ZNF705G: variants seen among roughly 807,000 people sequenced by gnomAD.
The protein encoded by ZNF705G is putative zinc finger protein 705G.
Under a neutral mutation model 19.6 loss-of-function variants are expected in ZNF705G, and 23 were observed. That is an observed-to-expected ratio of 1.17 (90% CI 0.84 to 1.66). The LOEUF (loss-of-function observed/expected upper bound fraction) is 1.66. Among genes scored for constraint, ZNF705G ranks in the 40% most tolerant of loss-of-function variants. ZNF705G has a pLI of 0.00. For missense variants in ZNF705G, 457 were observed against 354.4 expected, an observed-to-expected ratio of 1.29 and a Z score of -2.32; for synonymous variants, 146 against 117.7, an observed-to-expected ratio of 1.24 and a Z score of -1.56.
rs780600263 is a variant in ZNF705G at position 7,357,956 on chromosome 8, C to T, written c.*20G>A. 13 of 1,608,502 alleles carry T rather than the reference C, an allele frequency of 8.1e-6. No individual in the cohort carries two copies. The highest frequency in any genetic ancestry group is 6.6e-5 in the South Asian group (6 of 90,592). On this transcript the variant is annotated 3_prime_UTR_variant, in exon 7 of 7. Coordinates refer to ENST00000400156, the MANE Select transcript of ZNF705G (RefSeq NM_001164457.3). ...TAAATGGCATTCATATGGCTTTTCTCCAGTGCGTGTTCTCTCATGTCATCT... is the reference window on the plus strand; with the variant it reads ...TAAATGGCATTCATATGGCTTTTCTTCAGTGCGTGTTCTCTCATGTCATCT...
At chr8:7,369,538 G>A (rs1388777257) in intron 2 of ZNF705G, among the ~76,000 whole-genome samples, 1 of 149,480 alleles carries the variant, frequency 6.7e-6, no homozygotes, top group Non-Finnish European at 1.5e-5. Flanking sequence ...AGCAGCCATG[G>A]GGACTGACCC....
intron 2 of ZNF705G, among the ~76,000 whole-genome samples, chr8:7,368,240 C>T (rs1161516899): frequency 6.7e-6 from 1 of 149,552 alleles, no homozygotes; most frequent in African/African-American, 2.6e-5. Context: ...ACTAAAAACC[C>T]TCACATAAAG....
intron 2 of ZNF705G, among the ~76,000 whole-genome samples, chr8:7,380,361 C>T (rs1318504886): frequency 2.0e-5 from 3 of 147,518 alleles, no homozygotes; most frequent in Admixed American, 1.3e-4. Context: ...CTGTCATTGG[C>T]ACCTGTGCAT....
At chr8:7,369,617 A>G (rs1807008581) in intron 2 of ZNF705G, among the ~76,000 whole-genome samples, 1 of 149,714 alleles carries the variant, frequency 6.7e-6, no homozygotes, top group Admixed American at 6.6e-5. Context: ...TTATAGCATT[A>G]TTTGCAATAG....
chr8:7,369,078 T>A (rs1806983334), intron 2 of ZNF705G, among the ~76,000 whole-genome samples: 1 of 149,486 alleles, frequency 6.7e-6, no homozygotes, highest in Non-Finnish European at 1.5e-5. Flanking sequence ...CAAGCAAAAC[T>A]GGTTTCCCCT....
chr8:7,359,629 C>G lies in ZNF705G; in HGVS notation c.308G>C (p.Ser103Thr), dbSNP rs770441316. The G allele has an allele frequency of 3.7e-6, 6 of 1,606,494 alleles. No homozygotes were observed. The African/African-American group carries it at 5.7e-5, about 15-fold the overall frequency. ...HPITRKDAST[S>T]MTMENSLILE... ...AGCTATAAAACTTACCATTGTCATACTGGTGGATGCGTCTTTTCTGGTGAT... is the reference window on the plus strand; with the variant it reads ...AGCTATAAAACTTACCATTGTCATAGTGGTGGATGCGTCTTTTCTGGTGAT... The change falls in exon 6 of 7, where the codon AGT (serine) becomes ACT (threonine). Residue 103 changes from serine to threonine, a missense_variant. Coordinates refer to ENST00000400156, the MANE Select transcript of ZNF705G (RefSeq NM_001164457.3).
chr8:7,363,420 C>A lies in ZNF705G; in HGVS notation c.-71-403G>T, dbSNP rs62636817. On this transcript the variant is annotated intron_variant, in intron 2 of 6. Transcript: ENST00000400156. ...TTATCCTAGCTTTATGCCCTAGCAA[C>A]GTTTCTCCAACACCCACCACAGCCT... is the stretch of plus-strand genomic sequence containing the variant. Among the ~76,000 whole-genome samples, 11 of 138,606 alleles carry A rather than the reference C, an allele frequency of 7.9e-5. 1 individual carries two copies. The highest frequency in any genetic ancestry group is 3.3e-4 in the African/African-American group (11 of 33,068). The allele number at this position is 138,606 out of a possible 152,430, so 90.9% of individuals were successfully genotyped here.
Position 7,360,338 on chromosome 8 carries a change from A to T in ZNF705G, c.140-6T>A. The T allele has an allele frequency of 6.3e-7, 1 of 1,588,456 alleles. No individual in the cohort carries two copies. Among genetic ancestry groups the T allele is most frequent in the Non-Finnish European group, 8.5e-7 (1 of 1,178,042 alleles). ...GGATTTGCTTATCTGGTACCCTGTT[A>T]GTGGAAAGAATACATGTGTTTTGAG... On this transcript the variant is annotated splice_region_variant and splice_polypyrimidine_tract_variant and intron_variant, in intron 4 of 6. Coordinates refer to ENST00000400156, the MANE Select transcript of ZNF705G (RefSeq NM_001164457.3).
intron 6 of ZNF705G, among the ~76,000 whole-genome samples, chr8:7,358,901 C>T (rs1209004077): frequency 6.7e-6 from 1 of 149,538 alleles, no homozygotes; most frequent in East Asian, 1.9e-4. Context: ...AAACTGATAA[C>T]TTTTCTTTAC....
intron 5 of ZNF705G, 63 bp downstream of exon 5, chr8:7,360,174 C>T: frequency 6.5e-7 from 1 of 1,534,356 alleles, no homozygotes; most frequent in Non-Finnish European, 8.8e-7. Flanking sequence ...AATTAATATT[C>T]AACTGATATT....
chr8:7,360,247 G>T lies in ZNF705G; in HGVS notation c.225C>A (p.Asp75Glu), dbSNP rs756257477. 1.3e-6 allele frequency: 2 copies of T among 1,592,240 alleles called. No homozygotes were observed. The highest frequency in any genetic ancestry group is 8.5e-7 in the Non-Finnish European group (1 of 1,179,152). Reference sequence around the variant, plus strand: ...GACCCTGTTGCTTACTTGGATTCTGGTCTTGAAGAAATACTCTTCCTTCCC... The same window carrying T: ...GACCCTGTTGCTTACTTGGATTCTGTTCTTGAAGAAATACTCTTCCTTCCC... Reference protein sequence around the residue: ...LWREGRVFLQDQNPNRESALK... With the variant: ...LWREGRVFLQEQNPNRESALK... Residue 75 changes from aspartate (D) to glutamate (E), a missense_variant, in exon 5 of 7, where the codon GAC becomes GAA. Coordinates refer to ENST00000400156, the MANE Select transcript of ZNF705G (RefSeq NM_001164457.3).
At chr8:7,368,630 T>A (rs1384571240) in intron 2 of ZNF705G, among the ~76,000 whole-genome samples, 1 of 149,894 alleles carries the variant, frequency 6.7e-6, no homozygotes, top group Admixed American at 6.6e-5. Context: ...GGAAAGCAGA[T>A]GCTAATAGAA....
intron 2 of ZNF705G, among the ~76,000 whole-genome samples, chr8:7,370,101 G>GA (rs770116854): frequency 0.035 from 4,924 of 142,618 alleles, 87 homozygotes; most frequent in Middle Eastern, 0.1. Flanking sequence ...GTCTCCACTG[G>GA]AAAAAAAAAA....
chr8:7,363,743 C>T (rs1225849862), intron 2 of ZNF705G, among the ~76,000 whole-genome samples: 1 of 149,284 alleles, frequency 6.7e-6, no homozygotes, highest in African/African-American at 2.6e-5. Context: ...ATCTCTTGAA[C>T]CCAGGAGGCA....
chr8:7,382,473 T>A (rs1345305348), intron 1 of ZNF705G, among the ~76,000 whole-genome samples: 1 of 146,700 alleles, frequency 6.8e-6, no homozygotes, highest in Non-Finnish European at 1.5e-5. Flanking sequence ...TATTCATTTA[T>A]CCTCATTCAT....
At chr8:7,365,471 C>T (rs771702597) in intron 2 of ZNF705G, among the ~76,000 whole-genome samples, 3 of 147,928 alleles carry the variant, frequency 2.0e-5, no homozygotes, top group East Asian at 1.9e-4. Context: ...CTCCACCTCC[C>T]GGGTTCAAGC....
At chr8:7,370,020 T>C (rs758935009) in intron 2 of ZNF705G, among the ~76,000 whole-genome samples, 3 of 143,766 alleles carry the variant, frequency 2.1e-5, no homozygotes, top group Non-Finnish European at 4.4e-5. Context: ...CACATACATC[T>C]CCTGAATCTA....
Position 7,362,694 on chromosome 8 carries a change from T to C in ZNF705G, c.12+241A>G, listed in dbSNP as rs548559721. The stretch of plus-strand genomic sequence containing the variant: ...AGTGTAATATTAGAAATTATATTGA[T>C]AATTTCGGAGTCTTTGACACACGAT... On this transcript the variant is annotated intron_variant, in intron 3 of 6. Transcript: ENST00000400156. Among the ~76,000 whole-genome samples the C allele has an allele frequency of 2.0e-5, 3 of 149,630 alleles. No individual in the cohort carries two copies. In the South Asian group the frequency reaches 6.3e-4, roughly 31 times the overall value.
Position 7,360,226 on chromosome 8 carries a change from C to G in ZNF705G, c.235+11G>C, listed in dbSNP as rs1408299713. Reference sequence around the variant, plus strand: ...CCTCCTCCTATTAGAGCACAGGACCCTGTTGCTTACTTGGATTCTGGTCTT... The same window carrying G: ...CCTCCTCCTATTAGAGCACAGGACCGTGTTGCTTACTTGGATTCTGGTCTT... On this transcript the variant is annotated intron_variant, in intron 5 of 6. Transcript: ENST00000400156. 1 of 1,591,884 alleles carries G rather than the reference C, an allele frequency of 6.3e-7. No homozygotes were observed. Among genetic ancestry groups the G allele is most frequent in the South Asian group, 1.1e-5 (1 of 90,694 alleles).
Sources: allele counts gnomAD v4.1 joint callset (sites outside exome capture counted in the v4.1 genomes callset), GRCh38; gene constraint gnomAD v4.1.1; transcripts MANE v1.5; gene names NCBI Gene and HGNC (gene_info 2026-07-23, HGNC 2026-07-21).